The following NR3C2 variants were observed in gnomAD, a reference collection of about 807,000 sequenced individuals.
NR3C2 encodes nuclear receptor subfamily 3 group C member 2.
A neutral mutation model predicts 86.4 loss-of-function variants in NR3C2; 15 were observed. The ratio of observed to expected loss-of-function variants is 0.17; its 90% confidence interval spans 0.12 to 0.27. The LOEUF (loss-of-function observed/expected upper bound fraction) is 0.27, where lower values mean the gene tolerates loss of function less well. NR3C2 is among the 10% of genes least tolerant of loss of function. The pLI is 1.00. For synonymous variants in NR3C2, 458 were observed against 450.5 expected, an observed-to-expected ratio of 1.02 and a Z score of -0.21; for missense variants, 960 against 1,195.6, an observed-to-expected ratio of 0.80 and a Z score of 2.91.
At position 148,171,841 on chromosome 4, in the gene NR3C2, A is replaced by C. The variant is rs563747927; in HGVS notation, c.2015-16940T>G. Reference sequence around the variant, plus strand: ...AGCACTGCTTATTTCCACTCTACTCAAGTGGCCACCCAGACAAGGGCTGAG... The same window carrying C: ...AGCACTGCTTATTTCCACTCTACTCCAGTGGCCACCCAGACAAGGGCTGAG... On this transcript the variant is annotated intron_variant, in intron 4 of 8. Coordinates refer to ENST00000358102, the MANE Select transcript of NR3C2 (RefSeq NM_000901.5). 2.6e-5 allele frequency among the ~76,000 whole-genome samples: 4 copies of C among 152,164 alleles called. No individual in the cohort carries two copies. In the East Asian group the frequency reaches 7.7e-4, roughly 29 times the overall value.
At chr4:148,180,977 C>G (rs750539721) in intron 4 of NR3C2, among the ~76,000 whole-genome samples, 5 of 152,186 alleles carry the variant, frequency 3.3e-5, no homozygotes, top group African/African-American at 4.8e-5. Flanking sequence ...ACCATGATGT[C>G]TGCTGTTGCT....
At chr4:148,373,236 A>G (rs1746505787) in intron 2 of NR3C2, among the ~76,000 whole-genome samples, 1 of 152,164 alleles carries the variant, frequency 6.6e-6, no homozygotes, top group Non-Finnish European at 1.5e-5. Context: ...TCCCACTGGT[A>G]AAATCCTACC....
chr4:148,436,736 T>C lies in NR3C2; in HGVS notation c.125A>G (p.Tyr42Cys), dbSNP rs776721730. 3 of 1,614,202 alleles carry C rather than the reference T, an allele frequency of 1.9e-6. No individual in the cohort carries two copies. The highest frequency in any genetic ancestry group is 2.5e-6 in the Non-Finnish European group (3 of 1,180,034). Residue 42 changes from tyrosine (Y) to cysteine (C), a missense_variant, in exon 2 of 9, where the codon TAC becomes TGC. By Grantham distance (194) the Tyr-to-Cys change is radical. Coordinates refer to ENST00000358102, the MANE Select transcript of NR3C2 (RefSeq NM_000901.5). ...GPTERTDENNYMEIVNVSCVS... is the reference protein window; with the variant it reads ...GPTERTDENNCMEIVNVSCVS... ...ACAGCTTACGTTGACAATCTCCATGTAGTTATTCTCATCGGTCCTCTCTGT... is the reference window on the plus strand; with the variant it reads ...ACAGCTTACGTTGACAATCTCCATGCAGTTATTCTCATCGGTCCTCTCTGT...
intron 8 of NR3C2, among the ~76,000 whole-genome samples, chr4:148,097,462 G>A (rs1452379034): frequency 6.6e-6 from 1 of 152,152 alleles, no homozygotes. Context: ...GACAAGAATT[G>A]CACGCCAGGT....
intron 3 of NR3C2, among the ~76,000 whole-genome samples, chr4:148,241,503 G>T (rs1028737437): frequency 8.6e-5 from 13 of 151,748 alleles, no homozygotes; most frequent in Middle Eastern, 3.4e-3. Flanking sequence ...CTGCCCCAGG[G>T]CCTTTGCACC....
chr4:148,396,546 CA>C (rs1747869533), intron 2 of NR3C2, among the ~76,000 whole-genome samples: 1 of 152,018 alleles, frequency 6.6e-6, no homozygotes, highest in African/African-American at 2.4e-5. Flanking sequence ...TATAGTCAAC[CA>C]AATAAGCTGA....
intron 3 of NR3C2, among the ~76,000 whole-genome samples, chr4:148,222,406 A>T (rs7698917): frequency 0.96 from 145,484 of 152,270 alleles, 69,842 homozygotes; most frequent in East Asian, 1. Context: ...GCCAATAATG[A>T]TTGCCTGAAA....
intron 3 of NR3C2, among the ~76,000 whole-genome samples, chr4:148,244,748 T>G (rs1199353393): frequency 6.6e-6 from 1 of 152,218 alleles, no homozygotes; most frequent in African/African-American, 2.4e-5. Context: ...TTAAAAGTTT[T>G]TAAGTATCCA....
At chr4:148,112,527 T>C (rs1732090047) in intron 8 of NR3C2, among the ~76,000 whole-genome samples, 1 of 152,232 alleles carries the variant, frequency 6.6e-6, no homozygotes, top group Non-Finnish European at 1.5e-5. Flanking sequence ...GTGTGAGTCA[T>C]GAAGAGCATA....
intron 4 of NR3C2, among the ~76,000 whole-genome samples, chr4:148,191,403 C>T (rs1736188892): frequency 6.6e-6 from 1 of 152,194 alleles, no homozygotes; most frequent in Non-Finnish European, 1.5e-5. Flanking sequence ...TTCTGTCTCA[C>T]AGCTCTTAAG....
chr4:148,395,066 G>C lies in NR3C2; in HGVS notation c.1757+40038C>G, dbSNP rs571398406. Among the ~76,000 whole-genome samples, 76 of 152,176 alleles carry C rather than the reference G, an allele frequency of 5.0e-4. 3 individuals are homozygous for C. In the South Asian group the frequency reaches 0.015, roughly 31 times the overall value. On this transcript the variant is annotated intron_variant, in intron 2 of 8. Transcript: ENST00000358102. ...TTTTAAAATGATAGGTAACCAATGT[G>C]TGTGTTGGGATGGGGGAGGTGAGAG... is the stretch of plus-strand genomic sequence containing the variant.
chr4:148,269,275 G>A (rs1740549914), intron 2 of NR3C2, among the ~76,000 whole-genome samples: 1 of 152,242 alleles, frequency 6.6e-6, no homozygotes, highest in Admixed American at 6.5e-5. Flanking sequence ...GGTGGACTGT[G>A]TGTAGTGTCA....
intron 3 of NR3C2, among the ~76,000 whole-genome samples, chr4:148,209,243 C>CAAA (rs772286541): frequency 4.6e-4 from 50 of 108,852 alleles, no homozygotes; most frequent in African/African-American, 1.6e-3. Flanking sequence ...GACTCAGTCT[C>CAAA]AAAAAAAAAA....
At chr4:148,212,323 G>T (rs576936507) in intron 3 of NR3C2, among the ~76,000 whole-genome samples, 25 of 152,318 alleles carry the variant, frequency 1.6e-4, no homozygotes, top group African/African-American at 4.3e-4. Flanking sequence ...TCTCCAAGGT[G>T]GGGATATCTT....
intron 2 of NR3C2, among the ~76,000 whole-genome samples, chr4:148,281,873 G>A (rs974985344): frequency 6.6e-6 from 1 of 152,184 alleles, no homozygotes; most frequent in Non-Finnish European, 1.5e-5. Flanking sequence ...TAATATTCAT[G>A]AGTGCTACAA....
chr4:148,140,484 T>C lies in NR3C2; in HGVS notation c.2510+11985A>G, dbSNP rs114201481. Reference sequence around the variant, plus strand: ...AGGAGATTGAGGCTGCAGTGAGCCGTTGTGCTACTACACTGCCTGGGCAAC... The same window carrying C: ...AGGAGATTGAGGCTGCAGTGAGCCGCTGTGCTACTACACTGCCTGGGCAAC... On this transcript the variant is annotated intron_variant, in intron 6 of 8. Coordinates refer to ENST00000358102, the MANE Select transcript of NR3C2 (RefSeq NM_000901.5). 6.2e-3 allele frequency among the ~76,000 whole-genome samples: 942 copies of C among 152,246 alleles called. 11 individuals are homozygous for C. Among genetic ancestry groups the C allele is most frequent in the African/African-American group, 0.021 (888 of 41,540 alleles).
intron 2 of NR3C2, among the ~76,000 whole-genome samples, chr4:148,323,147 G>T (rs568135703): frequency 6.7e-6 from 1 of 150,056 alleles, no homozygotes; most frequent in East Asian, 2.0e-4. Context: ...CCTGTGAGGT[G>T]TCAGTGTGCC....
intron 3 of NR3C2, among the ~76,000 whole-genome samples, chr4:148,221,531 A>G (rs549139399): frequency 4.4e-4 from 67 of 152,384 alleles, no homozygotes; most frequent in African/African-American, 1.6e-3. Context: ...AGAAATGAAT[A>G]AAACCTCTAC....
chr4:148,156,489 G>C (rs1028795494), intron 4 of NR3C2, among the ~76,000 whole-genome samples: 4 of 152,234 alleles, frequency 2.6e-5, no homozygotes, highest in Admixed American at 6.5e-5. Context: ...AGACATTTAT[G>C]CAAAGGATAT....
Sources: allele counts gnomAD v4.1 joint callset (sites outside exome capture counted in the v4.1 genomes callset), GRCh38; gene constraint gnomAD v4.1.1; transcripts MANE v1.5; gene names NCBI Gene and HGNC (gene_info 2026-07-23, HGNC 2026-07-21).